SIPA1L3: variants seen among roughly 807,000 people sequenced by gnomAD.
The protein encoded by SIPA1L3 is signal induced proliferation associated 1 like 3.
Under a neutral mutation model 150.1 loss-of-function variants are expected in SIPA1L3, and 59 were observed. The observed-to-expected ratio is 0.39, with a 90% CI of 0.32 to 0.49. The LOEUF (loss-of-function observed/expected upper bound fraction) is 0.49. SIPA1L3 is among the 20% of genes least tolerant of loss of function. SIPA1L3 has a pLI of 0.86. For synonymous variants in SIPA1L3, 1,070 were observed against 1,077.6 expected (o/e 0.99, Z 0.14); for missense variants, 2,211 against 2,489.5 (o/e 0.89, Z 2.38).
chr19:38,054,977 C>T (rs950395971), intron 2 of SIPA1L3, among the ~76,000 whole-genome samples: 1 of 152,144 alleles, frequency 6.6e-6, no homozygotes, highest in Non-Finnish European at 1.5e-5. Flanking sequence ...TAGAGAAGCA[C>T]GTTGGAACCA....
intron 2 of SIPA1L3, among the ~76,000 whole-genome samples, chr19:38,054,985 C>A (rs1306635503): frequency 6.6e-6 from 1 of 152,200 alleles, no homozygotes; most frequent in Non-Finnish European, 1.5e-5. Flanking sequence ...CACGTTGGAA[C>A]CAAGACTTCT....
In SIPA1L3 at chr19:38,208,257, A is replaced by T; in HGVS notation, c.*2017A>T. The T allele has an allele frequency of 6.8e-6, 1 of 146,968 alleles. No homozygotes were observed. The highest frequency in any genetic ancestry group is 2.5e-5 in the African/African-American group (1 of 39,584). The allele number at this position is 146,968 out of a possible 1,614,324, so 9.1% of individuals were successfully genotyped here. ...TTTTTTTCATATGTTGATTTGTTTC[A>T]TTTGGATTTTTTTTTTATTATTCTT... On this transcript the variant is annotated 3_prime_UTR_variant, in exon 22 of 22. Coordinates refer to ENST00000222345, the MANE Select transcript of SIPA1L3 (RefSeq NM_015073.3).
chr19:37,932,628 C>T (rs2046565884), intron 1 of SIPA1L3: 1 of 152,142 alleles, frequency 6.6e-6, no homozygotes, highest in Non-Finnish European at 1.5e-5. Context: ...AGGAGTCCAC[C>T]TGGGGCTCCC....
intron 16 of SIPA1L3, among the ~76,000 whole-genome samples, chr19:38,191,538 C>T (rs1173307542): frequency 6.6e-6 from 1 of 152,032 alleles, no homozygotes; most frequent in Non-Finnish European, 1.5e-5. Context: ...ACAGGTCGGG[C>T]ACGGTGGCTC....
At chr19:38,059,367 T>C (rs1007316211) in intron 2 of SIPA1L3, among the ~76,000 whole-genome samples, 2 of 144,012 alleles carry the variant, frequency 1.4e-5, no homozygotes, top group African/African-American at 5.2e-5. Flanking sequence ...CAGGCTGCAC[T>C]ATCTCGGCTC....
chr19:37,971,832 G>A (rs1966948374), intron 1 of SIPA1L3, among the ~76,000 whole-genome samples: 1 of 152,092 alleles, frequency 6.6e-6, no homozygotes, highest in Non-Finnish European at 1.5e-5. Context: ...CTCCCAAAGT[G>A]CTGGGATTAC....
intron 12 of SIPA1L3, among the ~76,000 whole-genome samples, chr19:38,150,890 C>T (rs923330198): frequency 1.3e-5 from 2 of 152,132 alleles, no homozygotes; most frequent in South Asian, 4.1e-4. Context: ...GAGCACAGGG[C>T]CTGTGTCAGT....
chr19:37,964,454 A>T (rs545168575), intron 1 of SIPA1L3, among the ~76,000 whole-genome samples: 6 of 152,314 alleles, frequency 3.9e-5, no homozygotes, highest in Non-Finnish European at 7.4e-5. Flanking sequence ...TAATTATCAC[A>T]GCTAAAGCAT....
intron 1 of SIPA1L3, among the ~76,000 whole-genome samples, chr19:38,014,544 CTTTT>C (rs72101453): frequency 6.8e-5 from 8 of 116,810 alleles, no homozygotes; most frequent in Admixed American, 9.5e-5. Flanking sequence ...ACACCACATT[CTTTT>C]TTTTTTTTTT....
intron 9 of SIPA1L3, among the ~76,000 whole-genome samples, chr19:38,124,971 C>T (rs1279865451): frequency 2.1e-5 from 1 of 47,988 alleles, no homozygotes; most frequent in Non-Finnish European, 3.6e-5. Context: ...AGCTTCGGCT[C>T]GGGATCAGAG....
chr19:38,172,480 G>A (rs1972349830), intron 15 of SIPA1L3, among the ~76,000 whole-genome samples: 1 of 152,172 alleles, frequency 6.6e-6, no homozygotes, highest in African/African-American at 2.4e-5. Context: ...GAGGTGATAA[G>A]TGCTGGGGAG....
intron 10 of SIPA1L3, among the ~76,000 whole-genome samples, chr19:38,139,399 G>A (rs1439063710): frequency 1.3e-4 from 20 of 152,218 alleles, no homozygotes; most frequent in Non-Finnish European, 1.5e-5. Context: ...GTTATCAGGA[G>A]AGGGGGTGTG....
intron 1 of SIPA1L3, chr19:37,963,790 G>A (rs1004813267): frequency 6.6e-6 from 1 of 152,178 alleles, no homozygotes; most frequent in Non-Finnish European, 1.5e-5. Context: ...CATTCCAGAA[G>A]TCTGGTTAGC....
chr19:38,106,723 G>A, intron 7 of SIPA1L3, 83 bp downstream of exon 7: 1 of 921,092 alleles, frequency 1.1e-6, no homozygotes, highest in Non-Finnish European at 1.8e-6. Flanking sequence ...CTGTCCTGTG[G>A]ATCATATGGA....
At chr19:38,000,318 A>G (rs1272486847) in intron 1 of SIPA1L3, among the ~76,000 whole-genome samples, 1 of 151,920 alleles carries the variant, frequency 6.6e-6, no homozygotes, top group Non-Finnish European at 1.5e-5. Flanking sequence ...AATTAAAAAA[A>G]TTAGCTGGGC....
chr19:37,923,845 T>G (rs538393826), intron 1 of SIPA1L3, among the ~76,000 whole-genome samples: 15 of 152,026 alleles, frequency 9.9e-5, no homozygotes, highest in Non-Finnish European at 1.9e-4. Context: ...CTGCAACCTC[T>G]GCCTCTCGGG....
chr19:38,145,260 A>G (rs980021615), intron 12 of SIPA1L3, among the ~76,000 whole-genome samples: 16 of 152,062 alleles, frequency 1.1e-4, no homozygotes, highest in African/African-American at 3.9e-4. Context: ...GGCCGGGCAC[A>G]GTGGTTCACG....
chr19:38,119,251 C>T, intron 8 of SIPA1L3, 55 bp from the exon 9 acceptor site: 1 of 1,465,722 alleles, frequency 6.8e-7, no homozygotes, highest in Non-Finnish European at 9.3e-7. Context: ...TATTTTCTCT[C>T]TGAAGTGTCT....
At chr19:37,977,659 T>G (rs564848199) in intron 1 of SIPA1L3, among the ~76,000 whole-genome samples, 1 of 136,124 alleles carries the variant, frequency 7.3e-6, no homozygotes, top group Non-Finnish European at 1.5e-5. Context: ...TCACCAGAAG[T>G]TGGGGCAGAG....
Sources: allele counts gnomAD v4.1 joint callset (sites outside exome capture counted in the v4.1 genomes callset), GRCh38; gene constraint gnomAD v4.1.1; transcripts MANE v1.5; gene names NCBI Gene and HGNC (gene_info 2026-07-23, HGNC 2026-07-21).